Variants in TTYH1 observed in about 807,000 individuals in gnomAD.
The protein encoded by TTYH1 is tweety family member 1.
TTYH1 carries 33 observed loss-of-function variants against 61.2 expected under a neutral mutation model. That is an observed-to-expected ratio of 0.54 (90% confidence interval 0.41 to 0.72). The LOEUF (loss-of-function observed/expected upper bound fraction) is 0.72. Among genes scored for constraint, TTYH1 ranks in the 30% least tolerant of loss-of-function variants. The pLI, the probability that TTYH1 is intolerant of heterozygous loss-of-function variation, is 0.00. For missense variants in TTYH1, 538 were observed against 575.8 expected (o/e 0.93, Z 0.67); for synonymous variants, 308 against 266.4 (o/e 1.16, Z -1.52).
intron 10 of TTYH1, chr19:54,431,458 C>A: frequency 1.9e-6 from 1 of 525,538 alleles, no homozygotes; most frequent in Non-Finnish European, 3.4e-6. Flanking sequence ...CCCATCCCAC[C>A]CTCCCCGTCC....
At chr19:54,433,663 C>G (rs1157488850) in intron 10 of TTYH1, 2 of 150,890 alleles carry the variant, frequency 1.3e-5, no homozygotes, top group African/African-American at 2.4e-5. Context: ...TCCTTGAGCT[C>G]AGGAGTTCAA....
chr19:54,419,277 G>A lies in TTYH1; in HGVS notation c.276G>A (p.Trp92Ter). The A allele has an allele frequency of 6.2e-7, 1 of 1,603,840 alleles. No homozygotes were observed. Among genetic ancestry groups the A allele is most frequent in the Non-Finnish European group, 8.5e-7 (1 of 1,179,622 alleles). ...IPSPGGGCVTWSCIVALLAGC... is the reference protein window; with the variant it reads ...IPSPGGGCVT Reference sequence around the variant, plus strand: ...CGCCCGGGGGAGGCTGCGTCACCTGGAGCTGCATTGTCGCCCTTCTCGCCG... The same window carrying A: ...CGCCCGGGGGAGGCTGCGTCACCTGAAGCTGCATTGTCGCCCTTCTCGCCG... The change falls in exon 2 of 14, where the codon TGG becomes TGA. Residue 92 changes from tryptophan to a stop codon, truncating the protein, a stop_gained. Transcript: ENST00000376530. LOFTEE classifies it high-confidence loss of function. This position sits in a 1 kb window ranked among gnomAD's most constrained non-coding sequence, Gnocchi z 6.1.
chr19:54,415,609 GC>G lies in TTYH1; in HGVS notation c.61del (p.Arg21AlafsTer37). 6.4e-7 allele frequency: 1 copy of G among 1,557,528 alleles called. No homozygotes were observed. Among genetic ancestry groups the G allele is most frequent in the South Asian group, 1.2e-5 (1 of 84,022 alleles). ...SAWVHLLHQL[P>X]RADFQLRPVP... Reference sequence around the variant, plus strand: ...CTTGGGTGCATCTCCTCCACCAGCTGCCCCGCGCCGACTTCCAGCTCCGCCC... The same window carrying G: ...CTTGGGTGCATCTCCTCCACCAGCTGCCCGCGCCGACTTCCAGCTCCGCCC... On this transcript the variant is annotated frameshift_variant, in exon 1 of 14. Coordinates refer to ENST00000376530, the MANE Select transcript of TTYH1 (RefSeq NM_020659.4). LOFTEE classifies it high-confidence loss of function. The surrounding 1 kb of genome is among the most constrained non-coding windows in gnomAD (Gnocchi z 5.2).
In TTYH1 at chr19:54,429,984, G is replaced by C. The variant is rs915054042; in HGVS notation, c.883+27G>C. 3 of 1,600,776 alleles carry C rather than the reference G, an allele frequency of 1.9e-6. No individual in the cohort carries two copies. The highest frequency in any genetic ancestry group is 2.6e-6 in the Non-Finnish European group (3 of 1,168,862). On this transcript the variant is annotated intron_variant, in intron 7 of 13. Coordinates refer to ENST00000376530, the MANE Select transcript of TTYH1 (RefSeq NM_020659.4). This position sits in a 1 kb window ranked among gnomAD's most constrained non-coding sequence, Gnocchi z 5.1. ...TGATTTCCAAGGGCCCGGTGGGTCC[G>C]CCGGGTTGGGCAGTGCAGGCCCTGG... is the stretch of plus-strand genomic sequence containing the variant.
In TTYH1 at chr19:54,420,069, G is replaced by C. The variant is rs1461806741; in HGVS notation, c.305+763G>C. Among the ~76,000 whole-genome samples, 1 of 152,130 alleles carries C rather than the reference G, an allele frequency of 6.6e-6. No individual in the cohort carries two copies. Among genetic ancestry groups the C allele is most frequent in the Non-Finnish European group, 1.5e-5 (1 of 68,020 alleles). ...CACGTGGCTTAAGAGGCAGCACAGA[G>C]ATTCAGACCCAGGTTAGTAGGACCC... On this transcript the variant is annotated intron_variant, in intron 2 of 13. Transcript: ENST00000376530. This position sits in a 1 kb window ranked among gnomAD's most constrained non-coding sequence, Gnocchi z 4.8.
At position 54,419,410 on chromosome 19, in the gene TTYH1, A is replaced by G; in HGVS notation, c.305+104A>G. 7.9e-7 allele frequency: 1 copy of G among 1,266,412 alleles called. No individual in the cohort carries two copies. Among genetic ancestry groups the G allele is most frequent in the Non-Finnish European group, 1.1e-6 (1 of 900,262 alleles). The allele number at this position is 1,266,412 out of a possible 1,614,324, so 78.4% of individuals were successfully genotyped here. On this transcript the variant is annotated intron_variant, in intron 2 of 13. Coordinates refer to ENST00000376530, the MANE Select transcript of TTYH1 (RefSeq NM_020659.4). This position sits in a 1 kb window ranked among gnomAD's most constrained non-coding sequence, Gnocchi z 6.1. ...CGGGGACATGGAGGAAGCAGACAGG[A>G]AGGAGGAAACTCCCTCGTCCCTGTC...
chr19:54,416,488 C>G lies in TTYH1; in HGVS notation c.126+810C>G. 6.6e-6 allele frequency: 2 copies of G among 302,016 alleles called. No individual in the cohort carries two copies. The highest frequency in any genetic ancestry group is 1.3e-5 in the Non-Finnish European group (2 of 154,370). 18.7% of individuals were successfully genotyped at this position (302,016 alleles called of 1,614,324 possible). ...ACTTCGAGATTAATGAGGAGAAAGGCTTGGCTGAGCTGGGGACGGGTGGGG... is the reference window on the plus strand; with the variant it reads ...ACTTCGAGATTAATGAGGAGAAAGGGTTGGCTGAGCTGGGGACGGGTGGGG... On this transcript the variant is annotated intron_variant, in intron 1 of 13. Transcript: ENST00000376530. The surrounding 1 kb of genome is among the most constrained non-coding windows in gnomAD (Gnocchi z 7.0).
chr19:54,426,869 C>A, intron 5 of TTYH1, 101 bp downstream of exon 5: 1 of 1,059,724 alleles, frequency 9.4e-7, no homozygotes, highest in Non-Finnish European at 1.4e-6. Context: ...CGTGGTCCTT[C>A]ACGGCCGGGT....
chr19:54,429,970 G>A lies in TTYH1; in HGVS notation c.883+13G>A. On this transcript the variant is annotated intron_variant, in intron 7 of 13. Transcript: ENST00000376530. The surrounding 1 kb of genome is among the most constrained non-coding windows in gnomAD (Gnocchi z 5.1). ...GGGCTCAGCTCAGGTGATTTCCAAG[G>A]GCCCGGTGGGTCCGCCGGGTTGGGC... The A allele has an allele frequency of 6.2e-7, 1 of 1,612,570 alleles. No individual in the cohort carries two copies. The highest frequency in any genetic ancestry group is 1.3e-5 in the African/African-American group (1 of 74,998).
intron 1 of TTYH1, chr19:54,417,013 A>G: frequency 3.4e-6 from 4 of 1,178,526 alleles, no homozygotes; most frequent in Non-Finnish European, 4.3e-6. Context: ...CCCACAGCCG[A>G]GGAGGGCAAG....
At chr19:54,426,505 G>A (rs1052895067) in intron 4 of TTYH1, 168 bp from the exon 5 acceptor site, 5 of 646,080 alleles carry the variant, frequency 7.7e-6, no homozygotes, top group African/African-American at 5.5e-5. Flanking sequence ...ATTTCACAGA[G>A]GACCTGGGCT....
At chr19:54,433,947 A>G (rs2083489732) in intron 10 of TTYH1, among the ~76,000 whole-genome samples, 1 of 152,054 alleles carries the variant, frequency 6.6e-6, no homozygotes, top group African/African-American at 2.4e-5. Context: ...GACAGTGTGC[A>G]TGTACCAATA....
rs1176860997 is a variant in TTYH1, at chr19:54,421,800, G to T, written c.418-390G>T. Among the ~76,000 whole-genome samples the T allele has an allele frequency of 1.3e-5, 2 of 152,140 alleles. No individual in the cohort carries two copies. Among genetic ancestry groups the T allele is most frequent in the Admixed American group, 6.5e-5 (1 of 15,270 alleles). ...CTCCAGGATTCTGGGCCCTGGGGCT[G>T]AGGCCTGGCCCCACTTCATGCCTTA... On this transcript the variant is annotated intron_variant, in intron 3 of 13. Coordinates refer to ENST00000376530, the MANE Select transcript of TTYH1 (RefSeq NM_020659.4). The surrounding 1 kb of genome is among the most constrained non-coding windows in gnomAD (Gnocchi z 4.8).
intron 4 of TTYH1, 37 bp from the exon 5 acceptor site, chr19:54,426,636 A>G: frequency 1.3e-6 from 2 of 1,564,452 alleles, no homozygotes; most frequent in Non-Finnish European, 8.8e-7. Flanking sequence ...GCCTGGAGGC[A>G]GGTTTGTGGT....
At position 54,419,285 on chromosome 19, in the gene TTYH1, T is replaced by C; in HGVS notation, c.284T>C (p.Ile95Thr). 1.2e-6 allele frequency: 2 copies of C among 1,602,190 alleles called. No homozygotes were observed. The highest frequency in any genetic ancestry group is 4.5e-5 in the East Asian group (2 of 44,852). The change falls in exon 2 of 14, where the codon ATT becomes ACT. Residue 95 changes from isoleucine to threonine, a missense_variant. This residue lies in a region of TTYH1 where 157 missense variants were observed against 157.0 expected (regional missense o/e 1.00). Transcript: ENST00000376530. This position sits in a 1 kb window ranked among gnomAD's most constrained non-coding sequence, Gnocchi z 6.1. The part of the protein sequence containing the change: ...PGGGCVTWSC[I>T]VALLAGCTGI... ...GGAGGCTGCGTCACCTGGAGCTGCA[T>C]TGTCGCCCTTCTCGCCGGCTGGTAA...
Position 54,436,234 on chromosome 19 carries a change from AG to A in TTYH1, c.*42+64del. 1 of 1,607,856 alleles carries A rather than the reference AG, an allele frequency of 6.2e-7. No homozygotes were observed. The highest frequency in any genetic ancestry group is 8.5e-7 in the Non-Finnish European group (1 of 1,175,178). Reference sequence around the variant, plus strand: ...GCCTCTGCCCCCCTCCCGCCCTCCGAGCTGCTCCAGGCATGGGCTGCGTGCC... The same window carrying A: ...GCCTCTGCCCCCCTCCCGCCCTCCGACTGCTCCAGGCATGGGCTGCGTGCC... On this transcript the variant is annotated intron_variant, in intron 13 of 13. Coordinates refer to ENST00000376530, the MANE Select transcript of TTYH1 (RefSeq NM_020659.4). This position sits in a 1 kb window ranked among gnomAD's most constrained non-coding sequence, Gnocchi z 4.3.
intron 4 of TTYH1, among the ~76,000 whole-genome samples, chr19:54,423,160 G>GT (rs56359708): frequency 0.074 from 11,251 of 151,072 alleles, 594 homozygotes; most frequent in East Asian, 0.15. Flanking sequence ...CACTCACTCA[G>GT]TCGTTCATCC....
Position 54,435,832 on chromosome 19 carries a change from G to T in TTYH1, c.1273G>T (p.Asp425Tyr), listed in dbSNP as rs999371603. 1.9e-6 allele frequency: 3 copies of T among 1,613,408 alleles called. No individual in the cohort carries two copies. Among genetic ancestry groups the T allele is most frequent in the Admixed American group, 3.3e-5 (2 of 60,002 alleles). The change falls in exon 12 of 14, where the codon GAC becomes TAC. Residue 425 changes from aspartate to tyrosine, a missense_variant. Physicochemically the swap from Asp to Tyr is radical, Grantham distance 160 (BLOSUM62 -3). Around this residue, in one of 3 missense-constraint regions of TTYH1, gnomAD observed 378 missense variants for 401.2 expected, o/e 0.94. Transcript: ENST00000376530. The part of the protein sequence containing the change: ...RAWALFPPSD[D>Y]YDDTDDDDPF... ...ATGCCCCGCATCAAACCCCAGTGAC[G>T]ACTACGATGACACAGACGATGACGA...
At chr19:54,417,310 C>A (rs536644391) in intron 1 of TTYH1, among the ~76,000 whole-genome samples, 1 of 151,674 alleles carries the variant, frequency 6.6e-6, no homozygotes, top group East Asian at 1.9e-4. Flanking sequence ...CATGCACACT[C>A]ACATGCACAC....
Sources: gnomAD v4.1 joint callset for allele counts (sites outside exome capture counted in the v4.1 genomes callset) on GRCh38, gnomAD v4.1.1 for gene constraint, gnomAD v4.1.1 regional missense constraint, Gnocchi (gnomAD v3.1) non-coding constraint, MANE v1.5 for transcripts, NCBI Gene and HGNC (gene_info 2026-07-23, HGNC 2026-07-21) for gene names.